Variants in LGR6 observed in about 807,000 individuals in gnomAD.
LGR6 encodes the protein leucine-rich repeat-containing G protein-coupled receptor 6.
Under a neutral mutation model 69.4 loss-of-function variants are expected in LGR6, and 45 were observed. The ratio of observed to expected loss-of-function variants is 0.65; its 90% CI spans 0.51 to 0.83. The LOEUF (loss-of-function observed/expected upper bound fraction) is 0.83, where lower values mean the gene tolerates loss of function less well. Among genes scored for constraint, LGR6 ranks in the 40% least tolerant of loss-of-function variants. The pLI, the probability that LGR6 is intolerant of heterozygous loss-of-function variation, is 0.00. For synonymous variants in LGR6, 538 were observed against 555.0 expected, an observed-to-expected ratio of 0.97 and a Z score of 0.43; for missense variants, 1,108 against 1,246.7, an observed-to-expected ratio of 0.89 and a Z score of 1.68.
chr1:202,300,318 C>T (rs988280518), intron 7 of LGR6, among the ~76,000 whole-genome samples: 2 of 152,138 alleles, frequency 1.3e-5, no homozygotes, highest in Admixed American at 1.3e-4. Context: ...ACCCCTCACT[C>T]TTTTTACACT....
In LGR6 at chr1:202,306,948, C is replaced by G. The variant is rs751139222; in HGVS notation, c.1208+9C>G. On this transcript the variant is annotated intron_variant, in intron 13 of 17. Transcript: ENST00000367278. ...AGCTCCCTGCAAGCCCTGTGAGTAC[C>G]CACATCCAGGGGTGGGCCATGGAGG... 6.2e-7 allele frequency: 1 copy of G among 1,612,248 alleles called. No homozygotes were observed. The highest frequency in any genetic ancestry group is 1.7e-4 in the Middle Eastern group (1 of 6,050).
intron 1 of LGR6, 113 bp from the exon 2 acceptor site, chr1:202,225,310 T>C: frequency 1.2e-6 from 1 of 865,544 alleles, no homozygotes; most frequent in East Asian, 2.5e-5. Context: ...AATGGCCTGG[T>C]GGGGGGTACT....
At chr1:202,298,084 A>C (rs1316734423) in intron 7 of LGR6, among the ~76,000 whole-genome samples, 1 of 152,204 alleles carries the variant, frequency 6.6e-6, no homozygotes, top group Admixed American at 6.5e-5. Flanking sequence ...ACACAAACAA[A>C]GGGTCAGATT....
chr1:202,226,523 C>T (rs1272391213), intron 2 of LGR6, among the ~76,000 whole-genome samples: 1 of 152,164 alleles, frequency 6.6e-6, no homozygotes, highest in Non-Finnish European at 1.5e-5. Context: ...ACAGTGCTCC[C>T]CAGGGATGCG....
intron 3 of LGR6, 73 bp from the exon 4 acceptor site, chr1:202,235,849 G>T: frequency 7.5e-7 from 1 of 1,336,164 alleles, no homozygotes; most frequent in Non-Finnish European, 1.1e-6. Context: ...GGGGGTTCAA[G>T]GGAGGAGTCA....
At chr1:202,280,001 C>T (rs910780731) in intron 5 of LGR6, among the ~76,000 whole-genome samples, 13 of 152,148 alleles carry the variant, frequency 8.5e-5, no homozygotes, top group African/African-American at 2.9e-4. Flanking sequence ...CCTTGTGTTC[C>T]TGGTTCATTA....
chr1:202,256,395 C>T (rs1483009059), intron 4 of LGR6, among the ~76,000 whole-genome samples: 1 of 152,142 alleles, frequency 6.6e-6, no homozygotes, highest in African/African-American at 2.4e-5. Context: ...AGGTGCATGC[C>T]ACCATGCCTG....
rs1664827129 is a variant in LGR6 at position 202,268,279 on chromosome 1, C to T, written c.429-8027C>T. 6.6e-6 allele frequency among the ~76,000 whole-genome samples: 1 copy of T among 152,130 alleles called. No individual in the cohort carries two copies. The highest frequency in any genetic ancestry group is 2.1e-4 in the South Asian group (1 of 4,830). On this transcript the variant is annotated intron_variant, in intron 4 of 17. Transcript: ENST00000367278. This position sits in a 1 kb window ranked among gnomAD's most constrained non-coding sequence, Gnocchi z 4.4. Reference sequence around the variant, plus strand: ...TGCTGGTGTGGGAGGCTGGGCCCTGCCGCCTATGGAAGGCCCAAGGGCATC... The same window carrying T: ...TGCTGGTGTGGGAGGCTGGGCCCTGTCGCCTATGGAAGGCCCAAGGGCATC...
chr1:202,272,878 C>G (rs1036135885), intron 4 of LGR6, among the ~76,000 whole-genome samples: 1 of 152,226 alleles, frequency 6.6e-6, no homozygotes, highest in African/African-American at 2.4e-5. Context: ...TCCTGCCTGC[C>G]TCCTAGCACC....
At position 202,310,353 on chromosome 1, in the gene LGR6, C is replaced by T; in HGVS notation, c.1563C>T (p.Asn521=). ...PLGLLARQAE[N]HYDQDLDELQ... ...GCCTCCTTGCCAGACAAGCAGAGAACCACTGTGAGTGACCAGGGGCCCTGG... is the reference window on the plus strand; with the variant it reads ...GCCTCCTTGCCAGACAAGCAGAGAATCACTGTGAGTGACCAGGGGCCCTGG... Residue 521 remains asparagine (N), a synonymous_variant, in exon 16 of 18, where the codon AAC becomes AAT. Coordinates refer to ENST00000367278, the MANE Select transcript of LGR6 (RefSeq NM_001017403.2). The T allele has an allele frequency of 6.2e-7, 1 of 1,613,396 alleles. No homozygotes were observed. The highest frequency in any genetic ancestry group is 8.5e-7 in the Non-Finnish European group (1 of 1,179,914).
At chr1:202,233,586 T>A (rs918762517) in intron 3 of LGR6, among the ~76,000 whole-genome samples, 2 of 152,122 alleles carry the variant, frequency 1.3e-5, no homozygotes, top group Non-Finnish European at 1.5e-5. Flanking sequence ...GGATGGAATG[T>A]TACCACTGAG....
At chr1:202,305,862 T>G in intron 12 of LGR6, 113 bp downstream of exon 12, 18 of 850,366 alleles carry the variant, frequency 2.1e-5, no homozygotes, top group East Asian at 1.0e-4. Flanking sequence ...TTGACATTTC[T>G]TCCTTCTCTT....
At chr1:202,259,654 T>G (rs1664059866) in intron 4 of LGR6, among the ~76,000 whole-genome samples, 1 of 152,150 alleles carries the variant, frequency 6.6e-6, no homozygotes. Flanking sequence ...ATGTTTCCAT[T>G]GTTCTCCTTC....
intron 1 of LGR6, among the ~76,000 whole-genome samples, chr1:202,205,075 AC>A (rs1659087207): frequency 9.1e-6 from 1 of 109,426 alleles, no homozygotes. Flanking sequence ...CCTAACACAC[AC>A]CTCCTCCACA....
chr1:202,268,264 G>A lies in LGR6; in HGVS notation c.429-8042G>A, dbSNP rs1211494185. Among the ~76,000 whole-genome samples the A allele has an allele frequency of 1.3e-5, 2 of 152,210 alleles. No individual in the cohort carries two copies. Among genetic ancestry groups the A allele is most frequent in the Non-Finnish European group, 2.9e-5 (2 of 68,028 alleles). ...GGCACTGGCGGCTGGTGCTGGTGTG[G>A]GAGGCTGGGCCCTGCCGCCTATGGA... On this transcript the variant is annotated intron_variant, in intron 4 of 17. Transcript: ENST00000367278. This position sits in a 1 kb window ranked among gnomAD's most constrained non-coding sequence, Gnocchi z 4.4.
chr1:202,312,809 A>G (rs906646250), intron 16 of LGR6, among the ~76,000 whole-genome samples: 1 of 152,202 alleles, frequency 6.6e-6, no homozygotes, highest in Non-Finnish European at 1.5e-5. Flanking sequence ...TTGTCTTTAT[A>G]GATTATAAAA....
intron 1 of LGR6, among the ~76,000 whole-genome samples, chr1:202,213,183 G>A (rs1659527973): frequency 6.6e-6 from 1 of 152,152 alleles, no homozygotes; most frequent in African/African-American, 2.4e-5. Flanking sequence ...AGCAGTGTCT[G>A]GTCCAGCCAG....
chr1:202,235,469 A>G (rs763283962), intron 3 of LGR6, among the ~76,000 whole-genome samples: 3 of 152,182 alleles, frequency 2.0e-5, no homozygotes, highest in Non-Finnish European at 2.9e-5. Context: ...CTGACACCCT[A>G]AGGGCAGCCT....
intron 1 of LGR6, among the ~76,000 whole-genome samples, chr1:202,222,091 G>C (rs2147942908): frequency 6.6e-6 from 1 of 152,354 alleles, no homozygotes; most frequent in Middle Eastern, 3.4e-3. Flanking sequence ...AGGGCTGGTG[G>C]CATTGGCTTG....
Sources: allele counts gnomAD v4.1 joint callset (sites outside exome capture counted in the v4.1 genomes callset), GRCh38; gene constraint gnomAD v4.1.1; non-coding constraint Gnocchi (gnomAD v3.1); transcripts MANE v1.5; gene names NCBI Gene and HGNC (gene_info 2026-07-23, HGNC 2026-07-21).